RALYL: variants seen among roughly 807,000 people sequenced by gnomAD.
RALYL encodes the protein RALY RNA binding protein like, also known as RNA-binding Raly-like protein.
In RALYL, 29 loss-of-function variants were observed where a neutral mutation model predicts 35.1. That is an observed-to-expected ratio of 0.83 (90% CI 0.61 to 1.13). The LOEUF is 1.13. Ranked by LOEUF, RALYL falls within the 50% of genes most tolerant of loss-of-function variation. The probability of loss-of-function intolerance (pLI) is 0.00; values close to 1 mark genes in which losing one functional copy is unlikely to be tolerated. For synonymous variants in RALYL, 120 were observed against 127.6 expected (o/e 0.94, Z 0.40); for missense variants, 359 against 360.4 (o/e 1.00, Z 0.03).
chr8:84,801,888 A>C (rs920204744), intron 3 of RALYL, among the ~76,000 whole-genome samples: 3 of 152,226 alleles, frequency 2.0e-5, no homozygotes, highest in African/African-American at 7.2e-5. Context: ...GTAGGATCAG[A>C]GGTTGAAATG....
chr8:84,568,464 G>C (rs959600461), intron 2 of RALYL, among the ~76,000 whole-genome samples: 8 of 150,310 alleles, frequency 5.3e-5, no homozygotes, highest in African/African-American at 2.0e-4. Context: ...GGACATTTGG[G>C]TTGGTTCCAA....
chr8:84,847,910 G>A (rs1163464642), intron 4 of RALYL, among the ~76,000 whole-genome samples: 1 of 152,116 alleles, frequency 6.6e-6, no homozygotes, highest in Admixed American at 6.5e-5. Flanking sequence ...GATTAGGTCT[G>A]CTCTTAGATC....
intron 1 of RALYL, among the ~76,000 whole-genome samples, chr8:84,349,987 A>G (rs1416964347): frequency 6.7e-6 from 1 of 149,816 alleles, no homozygotes; most frequent in East Asian, 1.9e-4. Flanking sequence ...TCTTCCCATT[A>G]CTCCCATTTG....
intron 1 of RALYL, among the ~76,000 whole-genome samples, chr8:84,375,722 A>G (rs1359504868): frequency 6.6e-6 from 1 of 151,882 alleles, no homozygotes; most frequent in Non-Finnish European, 1.5e-5. Context: ...AATAATAAGC[A>G]TTCAACTTAT....
chr8:84,840,886 G>A (rs1196550552), intron 4 of RALYL, among the ~76,000 whole-genome samples: 1 of 152,094 alleles, frequency 6.6e-6, no homozygotes, highest in Non-Finnish European at 1.5e-5. Flanking sequence ...AAGTGAAGGA[G>A]AAATAAAATC....
intron 1 of RALYL, among the ~76,000 whole-genome samples, chr8:84,230,553 G>T (rs1043577106): frequency 6.6e-6 from 1 of 152,114 alleles, no homozygotes; most frequent in African/African-American, 2.4e-5. Flanking sequence ...TGAATTAGTT[G>T]TATAATAACT....
At chr8:84,337,332 T>G (rs1847983565) in intron 1 of RALYL, among the ~76,000 whole-genome samples, 2 of 151,398 alleles carry the variant, frequency 1.3e-5, no homozygotes, top group Non-Finnish European at 2.9e-5. Context: ...ATGAATTGTT[T>G]TTTTTTTTTC....
At chr8:84,343,840 G>C (rs570748275) in intron 1 of RALYL, among the ~76,000 whole-genome samples, 72 of 150,910 alleles carry the variant, frequency 4.8e-4, no homozygotes, top group African/African-American at 1.6e-3. Flanking sequence ...ATGTTTCCCA[G>C]GTTGGTCTTG....
intron 2 of RALYL, among the ~76,000 whole-genome samples, chr8:84,682,618 C>A (rs1311308983): frequency 6.6e-6 from 1 of 151,936 alleles, no homozygotes; most frequent in Non-Finnish European, 1.5e-5. Flanking sequence ...ATTTTCTAGT[C>A]TATTTGTGTA....
At chr8:84,415,204 CG>C (rs376875203) in intron 1 of RALYL, among the ~76,000 whole-genome samples, 5 of 129,298 alleles carry the variant, frequency 3.9e-5, no homozygotes, top group Admixed American at 3.2e-4. Context: ...TGCAGACACT[CG>C]TTTTTTTTTT....
chr8:84,840,176 A>C (rs1212641856), intron 4 of RALYL, among the ~76,000 whole-genome samples: 1 of 151,908 alleles, frequency 6.6e-6, no homozygotes, highest in Non-Finnish European at 1.5e-5. Context: ...CTCCGAGCTA[A>C]AGGAGGAAGT....
At chr8:84,192,906 T>TG (rs771310412) in intron 1 of RALYL, among the ~76,000 whole-genome samples, 3,492 of 59,310 alleles carry the variant, frequency 0.059, 160 homozygotes, top group Middle Eastern at 0.083. Flanking sequence ...TGTGTGTGTG[T>TG]GGGGGGGGGG....
intron 1 of RALYL, among the ~76,000 whole-genome samples, chr8:84,203,214 C>T (rs1183367373): frequency 6.6e-6 from 1 of 151,860 alleles, no homozygotes. Context: ...TTGAGTCCTG[C>T]AGAGTTGCCA....
intron 2 of RALYL, among the ~76,000 whole-genome samples, chr8:84,583,577 G>A (rs1334824341): frequency 6.6e-6 from 1 of 151,970 alleles, no homozygotes; most frequent in African/African-American, 2.4e-5. Context: ...GTAAAATTTA[G>A]GTTATTTTGT....
chr8:84,682,390 G>C (rs1393077594), intron 2 of RALYL, among the ~76,000 whole-genome samples: 1 of 152,100 alleles, frequency 6.6e-6, no homozygotes, highest in Admixed American at 6.6e-5. Context: ...TTTTTCTATT[G>C]ATTGGAATAG....
intron 1 of RALYL, among the ~76,000 whole-genome samples, chr8:84,271,574 T>A (rs186886170): frequency 1.1e-3 from 172 of 151,676 alleles, no homozygotes; most frequent in Middle Eastern, 3.4e-3. Flanking sequence ...ATCTTATAGG[T>A]AAATTGAATA....
intron 1 of RALYL, among the ~76,000 whole-genome samples, chr8:84,341,395 C>T (rs975504694): frequency 1.3e-5 from 2 of 151,800 alleles, no homozygotes; most frequent in Non-Finnish European, 2.9e-5. Context: ...TCTAGTTTCC[C>T]TGATTTTAAA....
intron 2 of RALYL, among the ~76,000 whole-genome samples, chr8:84,695,981 T>G (rs1204670552): frequency 6.6e-6 from 1 of 151,800 alleles, no homozygotes; most frequent in Non-Finnish European, 1.5e-5. Context: ...GCCATTTTTT[T>G]CAATACACTG....
At chr8:84,639,161 A>C (rs1250203836) in intron 2 of RALYL, among the ~76,000 whole-genome samples, 1 of 151,544 alleles carries the variant, frequency 6.6e-6, no homozygotes, top group Non-Finnish European at 1.5e-5. Context: ...ACTGGAATTA[A>C]TATTTTATTT....
Sources: allele counts gnomAD v4.1 joint callset (sites outside exome capture counted in the v4.1 genomes callset), GRCh38; gene constraint gnomAD v4.1.1; transcripts MANE v1.5; gene names NCBI Gene and HGNC (gene_info 2026-07-23, HGNC 2026-07-21).